NAE1: variants seen among roughly 807,000 people sequenced by gnomAD.
NAE1 encodes NEDD8-activating enzyme E1 regulatory subunit.
A neutral mutation model predicts 88.0 loss-of-function variants in NAE1; 59 were observed. That is an observed-to-expected ratio of 0.67 (90% CI 0.54 to 0.83). The LOEUF (loss-of-function observed/expected upper bound fraction) is 0.83, where lower values mean the gene tolerates loss of function less well. Ranked by LOEUF, NAE1 falls within the 40% of genes least tolerant of loss-of-function variation. The pLI, the probability that NAE1 is intolerant of heterozygous loss-of-function variation, is 0.00. For synonymous variants in NAE1, 186 were observed against 208.9 expected (o/e 0.89, Z 0.95); for missense variants, 554 against 632.8 (o/e 0.88, Z 1.34).
chr16:66,828,199 G>T, intron 1 of NAE1: 1 of 745,854 alleles, frequency 1.3e-6, no homozygotes. Context: ...TAAGAATACT[G>T]GTGCATCTTG....
intron 12 of NAE1, 45 bp from the exon 13 acceptor site, chr16:66,813,742 G>C (rs1258639279): frequency 6.2e-7 from 1 of 1,611,404 alleles, no homozygotes; most frequent in East Asian, 2.2e-5. Flanking sequence ...GTTTTACTTT[G>C]ACCCAAAGTT....
chr16:66,803,175 T>C (rs1959423511), intron 19 of NAE1, 57 bp from the exon 20 acceptor site: 3 of 1,166,024 alleles, frequency 2.6e-6, no homozygotes, highest in Non-Finnish European at 3.8e-6. Context: ...AAGAGTTACA[T>C]ACTCAATTCT....
rs1370133170 is a variant in NAE1, at chr16:66,823,570, G to T, written c.280C>A (p.Gln94Lys). 2 of 1,609,412 alleles carry T rather than the reference G, an allele frequency of 1.2e-6. No individual in the cohort carries two copies. The highest frequency in any genetic ancestry group is 1.7e-5 in the Admixed American group (1 of 58,876). The change falls in exon 5 of 20, where the codon CAA becomes AAA. Residue 94 changes from glutamine (Q) to lysine (K), a missense_variant. Physicochemically the swap from Gln to Lys is moderately conservative, Grantham distance 53. Transcript: ENST00000290810. ...NRAEAAMEFL[Q>K]ELNSDVSGSF... Reference sequence around the variant, plus strand: ...CCAGAGACATCGCTATTTAATTCTTGTAAGAATTCCATGGCAGCTTCAGCT... The same window carrying T: ...CCAGAGACATCGCTATTTAATTCTTTTAAGAATTCCATGGCAGCTTCAGCT...
chr16:66,825,015 C>T (rs1049898237), intron 3 of NAE1, 130 bp from the exon 4 acceptor site: 5 of 521,664 alleles, frequency 9.6e-6, no homozygotes, highest in Non-Finnish European at 1.6e-5. Flanking sequence ...CTGTAATGGC[C>T]TTCCTGGAGG....
intron 19 of NAE1, among the ~76,000 whole-genome samples, chr16:66,805,438 A>C (rs1959524292): frequency 6.6e-6 from 1 of 151,840 alleles, no homozygotes; most frequent in South Asian, 2.1e-4. Flanking sequence ...CTGAATAAAT[A>C]TCCTAACCTG....
intron 1 of NAE1, among the ~76,000 whole-genome samples, chr16:66,830,620 T>A (rs1960654849): frequency 6.6e-6 from 1 of 152,104 alleles, no homozygotes. Context: ...GGGGACCCCG[T>A]CCCCCGAACT....
At chr16:66,817,326 A>C (rs1212267557) in intron 9 of NAE1, 99 bp downstream of exon 9, 3 of 1,053,622 alleles carry the variant, frequency 2.8e-6, no homozygotes, top group Non-Finnish European at 4.3e-6. Context: ...ACAACTCCAT[A>C]AGGAAAAAAA....
intron 1 of NAE1, 145 bp downstream of exon 1, chr16:66,830,702 C>G: frequency 1.4e-6 from 1 of 692,264 alleles, no homozygotes; most frequent in South Asian, 2.2e-5. Context: ...GAGCTCCGAG[C>G]GCCGGCTTCC....
At chr16:66,817,278 C>A (rs1167359618) in intron 9 of NAE1, 147 bp downstream of exon 9, 10 of 872,494 alleles carry the variant, frequency 1.1e-5, no homozygotes, top group Non-Finnish European at 1.8e-5. Context: ...AGAGGAACTG[C>A]TAGATTTAAA....
intron 13 of NAE1, among the ~76,000 whole-genome samples, chr16:66,811,761 C>G (rs377577056): frequency 9.2e-5 from 14 of 152,296 alleles, no homozygotes; most frequent in Middle Eastern, 3.4e-3. Context: ...AGTGTTCAGG[C>G]TGACTACCTC....
In NAE1 at chr16:66,808,585, T is replaced by A. The variant is rs1354087622; in HGVS notation, c.1266A>T (p.Glu422Asp). 2 of 1,607,948 alleles carry A rather than the reference T, an allele frequency of 1.2e-6. No individual in the cohort carries two copies. Among genetic ancestry groups the A allele is most frequent in the South Asian group, 2.2e-5 (2 of 90,190 alleles). The change falls in exon 17 of 20, where the codon GAA (glutamate) becomes GAT (aspartate). Residue 422 changes from glutamate (E) to aspartate (D), a missense_variant. Glu to Asp is a conservative substitution (Grantham distance 45, BLOSUM62 2). Transcript: ENST00000290810. ...IISSMDNPDNEIVLYLMLRAV... is the reference protein window; with the variant it reads ...IISSMDNPDNDIVLYLMLRAV... Reference sequence around the variant, plus strand: ...CCCGTAACATTAAGTACAACACTATTTCATTATCTGGATTGTCCATGCTAG... The same window carrying A: ...CCCGTAACATTAAGTACAACACTATATCATTATCTGGATTGTCCATGCTAG...
chr16:66,813,585 T>G lies in NAE1; in HGVS notation c.1013A>C (p.Lys338Thr), dbSNP rs1291146996. 3.1e-6 allele frequency: 5 copies of G among 1,612,812 alleles called. No individual in the cohort carries two copies. The highest frequency in any genetic ancestry group is 4.2e-6 in the Non-Finnish European group (5 of 1,179,530). The change falls in exon 13 of 20, where the codon AAA becomes ACA. Residue 338 changes from lysine (K) to threonine (T), a missense_variant. Transcript: ENST00000290810. ...ATACACGTTTTGCAGTTTTATATAT[T>G]TGCCTGAATCTGCAATCATATCAGG... ...TIPDMIADSGKYIKLQNVYRE... is the reference protein window; with the variant it reads ...TIPDMIADSGTYIKLQNVYRE...
At chr16:66,815,321 A>C (rs1388810472) in intron 11 of NAE1, among the ~76,000 whole-genome samples, 1 of 152,230 alleles carries the variant, frequency 6.6e-6, no homozygotes, top group Non-Finnish European at 1.5e-5. Context: ...ATTAAAACAG[A>C]AAATGTTCAT....
At chr16:66,828,181 A>G (rs1033992390) in intron 1 of NAE1, 34 of 858,968 alleles carry the variant, frequency 4.0e-5, no homozygotes, top group Non-Finnish European at 5.6e-5. Context: ...ATAGTTGGAG[A>G]GTAAATTTAA....
At chr16:66,803,934 C>A (rs1307483896) in intron 19 of NAE1, among the ~76,000 whole-genome samples, 1 of 151,980 alleles carries the variant, frequency 6.6e-6, no homozygotes, top group Non-Finnish European at 1.5e-5. Flanking sequence ...AAATACTGTT[C>A]TAGGCAGTAG....
chr16:66,830,892 T>A lies in NAE1; in HGVS notation c.8A>T (p.Gln3Leu). 6.5e-7 allele frequency: 1 copy of A among 1,536,710 alleles called. No individual in the cohort carries two copies. The highest frequency in any genetic ancestry group is 8.7e-7 in the Non-Finnish European group (1 of 1,150,748). MAQLGKLLKEQKY... is the reference protein window; with the variant it reads MALLGKLLKEQKY... ...CTGCTCCTTGAGCAGCTTTCCCAGCTGCGCCATGGCCGCGCCTGCCGCGCG... is the reference window on the plus strand; with the variant it reads ...CTGCTCCTTGAGCAGCTTTCCCAGCAGCGCCATGGCCGCGCCTGCCGCGCG... The change falls in exon 1 of 20, where the codon CAG (glutamine) becomes CTG (leucine). Residue 3 changes from glutamine to leucine, a missense_variant. Coordinates refer to ENST00000290810, the MANE Select transcript of NAE1 (RefSeq NM_003905.4).
chr16:66,808,706 C>T (rs1242951351), intron 16 of NAE1, 93 bp from the exon 17 acceptor site: 1 of 931,820 alleles, frequency 1.1e-6, no homozygotes, highest in Non-Finnish European at 1.7e-6. Context: ...AGTTTCAGGA[C>T]TATTAACTGG....
chr16:66,808,241 T>C (rs1959651973), intron 17 of NAE1, among the ~76,000 whole-genome samples: 1 of 152,160 alleles, frequency 6.6e-6, no homozygotes, highest in African/African-American at 2.4e-5. Context: ...TTAAACTCAG[T>C]GTGAGTCTTA....
intron 17 of NAE1, among the ~76,000 whole-genome samples, chr16:66,808,230 A>G (rs1959651676): frequency 6.6e-6 from 1 of 152,208 alleles, no homozygotes; most frequent in Non-Finnish European, 1.5e-5. Context: ...ATTCCACTAA[A>G]TTAAACTCAG....
Sources: allele counts gnomAD v4.1 joint callset (sites outside exome capture counted in the v4.1 genomes callset), GRCh38; gene constraint gnomAD v4.1.1; transcripts MANE v1.5; gene names NCBI Gene and HGNC (gene_info 2026-07-23, HGNC 2026-07-21).